GRB10: variants seen among roughly 807,000 people sequenced by gnomAD.
GRB10 encodes growth factor receptor bound protein 10, also known as growth factor receptor-bound protein 10.
Under a neutral mutation model 80.9 loss-of-function variants are expected in GRB10, and 20 were observed. The ratio of observed to expected loss-of-function variants is 0.25; its 90% CI spans 0.17 to 0.36. The LOEUF (loss-of-function observed/expected upper bound fraction) is 0.36, where lower values mean the gene tolerates loss of function less well. GRB10 is among the 10% of genes least tolerant of loss of function. The pLI is 1.00. For missense variants in GRB10, 548 were observed against 747.7 expected, an observed-to-expected ratio of 0.73 and a Z score of 3.12; for synonymous variants, 291 against 291.5, an observed-to-expected ratio of 1.00 and a Z score of 0.02.
chr7:50,627,086 C>A (rs1464370907), intron 7 of GRB10, 108 bp from the exon 8 acceptor site: 5 of 1,135,142 alleles, frequency 4.4e-6, no homozygotes, highest in Non-Finnish European at 6.6e-6. Flanking sequence ...TGCTCCAACA[C>A]ATGGGCAACT....
upstream of GRB10, among the ~76,000 whole-genome samples, chr7:50,784,601 G>A (rs2078612233): frequency 6.6e-6 from 1 of 152,252 alleles, no homozygotes; most frequent in South Asian, 2.1e-4. Context: ...GTTCCTGGAT[G>A]TGGGAAGAGC....
intron 1 of GRB10, among the ~76,000 whole-genome samples, chr7:50,791,273 T>C (rs2078903743): frequency 2.6e-5 from 4 of 152,032 alleles, no homozygotes. Flanking sequence ...AAAAAGTGAG[T>C]GAACTAAAAG....
intron 12 of GRB10, 150 bp from the exon 13 acceptor site, chr7:50,612,989 G>C (rs2049860512): frequency 1.4e-6 from 1 of 699,176 alleles, no homozygotes; most frequent in Admixed American, 2.0e-5. Context: ...ACACCTGTGT[G>C]TTAAGCGTTC....
intron 7 of GRB10, among the ~76,000 whole-genome samples, chr7:50,654,768 C>G (rs1480112157): frequency 6.6e-6 from 1 of 152,074 alleles, no homozygotes; most frequent in Non-Finnish European, 1.5e-5. Flanking sequence ...CCCTACCTAC[C>G]TAGGAGAGTG....
At chr7:50,621,587 A>G (rs2237440) in intron 8 of GRB10, among the ~76,000 whole-genome samples, 103,315 of 152,150 alleles carry the variant, frequency 0.68, 36,733 homozygotes, top group African/African-American at 0.91. Context: ...CCAGTTGGCC[A>G]TCGACTGCAC....
At chr7:50,776,289 C>G (rs1185799495) in intron 2 of GRB10, among the ~76,000 whole-genome samples, 1 of 152,204 alleles carries the variant, frequency 6.6e-6, no homozygotes, top group African/African-American at 2.4e-5. Flanking sequence ...TCATGGCTCA[C>G]TGTAGCCTTG....
chr7:50,728,373 C>T (rs1212776906), intron 4 of GRB10, among the ~76,000 whole-genome samples: 1 of 152,134 alleles, frequency 6.6e-6, no homozygotes, highest in Non-Finnish European at 1.5e-5. Context: ...CTTTCAGCTC[C>T]TCCACGCACT....
chr7:50,707,389 T>C (rs909558950), intron 4 of GRB10, among the ~76,000 whole-genome samples: 1 of 152,208 alleles, frequency 6.6e-6, no homozygotes, highest in African/African-American at 2.4e-5. Context: ...CATCCAAGTG[T>C]TTCTCAGCCA....
intron 4 of GRB10, among the ~76,000 whole-genome samples, 154 bp downstream of exon 4, chr7:50,732,118 C>A (rs2069869284): frequency 6.6e-6 from 1 of 152,226 alleles, no homozygotes; most frequent in African/African-American, 2.4e-5. Flanking sequence ...GGGCAGTGGG[C>A]CTCTGCACCA....
chr7:50,700,557 T>C lies in GRB10; in HGVS notation c.139+3264A>G, dbSNP rs1303310937. ...TAATTAATTCCTTCTACATTCCTTATTCTATTTCATTTCTGTAATTTCAAT... is the reference window on the plus strand; with the variant it reads ...TAATTAATTCCTTCTACATTCCTTACTCTATTTCATTTCTGTAATTTCAAT... On this transcript the variant is annotated intron_variant, in intron 5 of 18. Coordinates refer to ENST00000401949, the MANE Select transcript of GRB10 (RefSeq NM_001350814.2). Among the ~76,000 whole-genome samples, 4 of 152,352 alleles carry C rather than the reference T, an allele frequency of 2.6e-5. No homozygotes were observed. The East Asian group carries it at 7.7e-4, about 29-fold the overall frequency.
chr7:50,682,186 G>A (rs2061613824), intron 5 of GRB10, among the ~76,000 whole-genome samples: 1 of 152,234 alleles, frequency 6.6e-6, no homozygotes, highest in Non-Finnish European at 1.5e-5. Flanking sequence ...GCTCACCTCA[G>A]AACGCCTGGA....
At chr7:50,705,348 C>A (rs144041186) in intron 4 of GRB10, 1 of 967,672 alleles carries the variant, frequency 1.0e-6, no homozygotes, top group African/African-American at 1.8e-5. Flanking sequence ...ATAAAACGAA[C>A]AAAGCCCTAA....
intron 2 of GRB10, among the ~76,000 whole-genome samples, chr7:50,774,090 G>T (rs1365275499): frequency 6.6e-6 from 1 of 152,230 alleles, no homozygotes; most frequent in Non-Finnish European, 1.5e-5. Flanking sequence ...TATGCTAAGT[G>T]AAAGAAGACA....
At chr7:50,771,844 T>C (rs1039447959) in intron 2 of GRB10, among the ~76,000 whole-genome samples, 2 of 152,252 alleles carry the variant, frequency 1.3e-5, no homozygotes, top group African/African-American at 4.8e-5. Context: ...GATCTATTTC[T>C]GACCTGGCAA....
intron 2 of GRB10, among the ~76,000 whole-genome samples, chr7:50,777,313 T>C (rs1393083952): frequency 6.6e-6 from 1 of 152,002 alleles, no homozygotes; most frequent in African/African-American, 2.4e-5. Flanking sequence ...CCCATCTATG[T>C]CCACTCTTAT....
chr7:50,764,369 C>T (rs968036919), intron 2 of GRB10, among the ~76,000 whole-genome samples: 1 of 152,208 alleles, frequency 6.6e-6, no homozygotes, highest in South Asian at 2.1e-4. Context: ...GAAGAGGTAG[C>T]TCTGAGGCCG....
rs144828894 is a variant in GRB10 at position 50,590,677 on chromosome 7, C to T, written c.*2275G>A. On this transcript the variant is annotated 3_prime_UTR_variant, in exon 19 of 19. Coordinates refer to ENST00000401949, the MANE Select transcript of GRB10 (RefSeq NM_001350814.2). ...TAAAAGTCAAATGTCCTTCCGTCCC[C>T]GGTTTGCGGGACTTGTTCTCAGGTG... The T allele has an allele frequency of 2.5e-4, 38 of 152,774 alleles. No individual in the cohort carries two copies. Among genetic ancestry groups the T allele is most frequent in the African/African-American group, 7.9e-4 (33 of 41,586 alleles). The allele number at this position is 152,774 out of a possible 1,614,324, so 9.5% of individuals were successfully genotyped here.
chr7:50,610,027 A>G (rs1392451477), intron 13 of GRB10, among the ~76,000 whole-genome samples: 1 of 152,178 alleles, frequency 6.6e-6, no homozygotes, highest in Non-Finnish European at 1.5e-5. Context: ...TCCATGGTTG[A>G]TATGAAGATG....
At chr7:50,726,842 T>C (rs2068733424) in intron 4 of GRB10, 1 of 152,222 alleles carries the variant, frequency 6.6e-6, no homozygotes, top group African/African-American at 2.4e-5. Flanking sequence ...TTTTGGCATT[T>C]GGACAAAAAC....
Sources: gnomAD v4.1 joint callset for allele counts (sites outside exome capture counted in the v4.1 genomes callset) on GRCh38, gnomAD v4.1.1 for gene constraint, MANE v1.5 for transcripts, NCBI Gene and HGNC (gene_info 2026-07-23, HGNC 2026-07-21) for gene names.